The following UGT1A8 variants were observed in gnomAD, a reference collection of about 807,000 sequenced individuals.
UGT1A8 encodes UDP glucuronosyltransferase family 1 member A8.
Under a neutral mutation model 45.3 loss-of-function variants are expected in UGT1A8, and 39 were observed. That is an observed-to-expected ratio of 0.86 (90% CI 0.67 to 1.12). The LOEUF (loss-of-function observed/expected upper bound fraction) is 1.12, where lower values mean the gene tolerates loss of function less well. Ranked by LOEUF, UGT1A8 falls within the 50% of genes most tolerant of loss-of-function variation. The probability of loss-of-function intolerance (pLI) is 0.00; values close to 1 mark genes in which losing one functional copy is unlikely to be tolerated. For missense variants in UGT1A8, 719 were observed against 664.9 expected (o/e 1.08, Z -0.90); for synonymous variants, 275 against 249.2 (o/e 1.10, Z -0.97).
chr2:233,667,051 G>T (rs1291060604), intron 1 of UGT1A8, among the ~76,000 whole-genome samples: 2 of 152,076 alleles, frequency 1.3e-5, no homozygotes, highest in Non-Finnish European at 2.9e-5. Flanking sequence ...GTCTATCATT[G>T]TTGGACATTT....
intron 1 of UGT1A8, chr2:233,754,915 G>A (rs747609109): frequency 3.0e-6 from 4 of 1,353,928 alleles, no homozygotes; most frequent in Admixed American, 1.9e-5. Context: ...ATATTCTCCA[G>A]CGGGTTTCCC....
chr2:233,698,206 T>C (rs1373729225), intron 1 of UGT1A8, among the ~76,000 whole-genome samples: 1 of 152,228 alleles, frequency 6.6e-6, no homozygotes. Context: ...ACATGCACTT[T>C]TAATTATTAG....
chr2:233,649,047 C>T, intron 1 of UGT1A8: 1 of 1,054,292 alleles, frequency 9.5e-7, no homozygotes, highest in South Asian at 2.5e-5. Flanking sequence ...GCTCCTTTAG[C>T]ACATTAAAAG....
chr2:233,700,061 G>T (rs2075540552), intron 1 of UGT1A8, among the ~76,000 whole-genome samples: 1 of 152,200 alleles, frequency 6.6e-6, no homozygotes, highest in South Asian at 2.1e-4. Context: ...TGAATCCAGT[G>T]GTGTCTACCC....
chr2:233,712,992 A>T (rs1437373370), intron 1 of UGT1A8: 1 of 1,613,364 alleles, frequency 6.2e-7, no homozygotes, highest in South Asian at 1.1e-5. Flanking sequence ...TTCTGCTGAG[A>T]TGGCCACAGG....
Position 233,659,680 on chromosome 2 carries a change from A to T in UGT1A8, c.855+41118A>T, listed in dbSNP as rs74401574. On this transcript the variant is annotated intron_variant, in intron 1 of 4. Coordinates refer to ENST00000373450, the MANE Select transcript of UGT1A8 (RefSeq NM_019076.5). ...GCACTCGATTTAACTTAATGGAAAT[A>T]CATCATAATTACTGTCTGACATTTT... 3.2e-4 allele frequency among the ~76,000 whole-genome samples: 49 copies of T among 152,292 alleles called. 1 individual carries two copies. In the East Asian group the frequency reaches 7.9e-3, roughly 25 times the overall value.
intron 1 of UGT1A8, among the ~76,000 whole-genome samples, chr2:233,640,873 T>C (rs1359098144): frequency 6.6e-6 from 1 of 152,060 alleles, no homozygotes; most frequent in African/African-American, 2.4e-5. Context: ...GGAGCCCTAA[T>C]TAGGGAAAAA....
At chr2:233,646,510 T>A (rs1365334162) in intron 1 of UGT1A8, among the ~76,000 whole-genome samples, 2 of 152,078 alleles carry the variant, frequency 1.3e-5, no homozygotes, top group Admixed American at 6.6e-5. Flanking sequence ...CCAAATCACC[T>A]CTTGAATGCT....
intron 1 of UGT1A8, among the ~76,000 whole-genome samples, chr2:233,712,428 T>C (rs923702716): frequency 1.3e-5 from 2 of 152,332 alleles, no homozygotes; most frequent in African/African-American, 4.8e-5. Flanking sequence ...AGAAATATCC[T>C]GGTGTGAAAA....
chr2:233,768,255 G>C lies in UGT1A8; in HGVS notation c.1111G>C (p.Gly371Arg). ...PMTRAFITHA[G>R]SHGVYESICN... is the part of the protein sequence containing the mutation. ...GACCCGTGCCTTTATCACCCATGCT[G>C]GTTCCCATGGTGTTTATGAAAGCAT... Residue 371 changes from glycine to arginine, a missense_variant, in exon 4 of 5, where the codon GGT (glycine) becomes CGT (arginine). By Grantham distance (125) the Gly-to-Arg change is moderately radical. Transcript: ENST00000373450. 1 of 1,614,166 alleles carries C rather than the reference G, an allele frequency of 6.2e-7. No individual in the cohort carries two copies. The highest frequency in any genetic ancestry group is 8.5e-7 in the Non-Finnish European group (1 of 1,180,040).
chr2:233,658,709 T>C (rs2073905065), intron 1 of UGT1A8, among the ~76,000 whole-genome samples: 1 of 152,254 alleles, frequency 6.6e-6, no homozygotes, highest in Non-Finnish European at 1.5e-5. Flanking sequence ...TGACTATGGA[T>C]AGCCAACTCT....
At chr2:233,738,133 A>G (rs1397029261) in intron 1 of UGT1A8, among the ~76,000 whole-genome samples, 2 of 152,126 alleles carry the variant, frequency 1.3e-5, no homozygotes, top group African/African-American at 2.4e-5. Flanking sequence ...AGGGGCCCTT[A>G]TCCCTTCACT....
chr2:233,723,176 A>G (rs1210929183), intron 1 of UGT1A8, among the ~76,000 whole-genome samples: 2 of 134,084 alleles, frequency 1.5e-5, no homozygotes, highest in African/African-American at 5.9e-5. Context: ...TGCCCAAACC[A>G]TAGAAGGGTC....
intron 1 of UGT1A8, chr2:233,729,354 C>T: frequency 1.9e-6 from 3 of 1,614,190 alleles, no homozygotes; most frequent in African/African-American, 1.3e-5. Context: ...ACTTTTTCAC[C>T]CTGACAACCT....
At chr2:233,705,763 A>G (rs1046936782) in intron 1 of UGT1A8, among the ~76,000 whole-genome samples, 2 of 152,212 alleles carry the variant, frequency 1.3e-5, no homozygotes, top group African/African-American at 4.8e-5. Context: ...TCAGCTGCAT[A>G]CTTTGAGTGT....
At chr2:233,629,965 G>A (rs527492177) in intron 1 of UGT1A8, among the ~76,000 whole-genome samples, 1 of 151,772 alleles carries the variant, frequency 6.6e-6, no homozygotes, top group East Asian at 1.9e-4. Context: ...AGAATCTATG[G>A]TGATACCACC....
At chr2:233,682,683 C>T in intron 1 of UGT1A8, 2 of 1,613,862 alleles carry the variant, frequency 1.2e-6, no homozygotes, top group South Asian at 2.2e-5. Flanking sequence ...AGCCACACAT[C>T]AATTTGGTTG....
intron 1 of UGT1A8, among the ~76,000 whole-genome samples, chr2:233,702,329 CTTGT>C (rs763433492): frequency 2.7e-4 from 41 of 152,036 alleles, no homozygotes; most frequent in Non-Finnish European, 5.0e-4. Flanking sequence ...CATTTCTGAA[CTTGT>C]TTATTTGTTC....
intron 1 of UGT1A8, chr2:233,743,409 A>C: frequency 7.6e-7 from 1 of 1,312,950 alleles, no homozygotes; most frequent in South Asian, 1.2e-5. Flanking sequence ...AAAGGCCCCC[A>C]CTTCCCAGGG....
Sources: allele counts gnomAD v4.1 joint callset (sites outside exome capture counted in the v4.1 genomes callset), GRCh38; gene constraint gnomAD v4.1.1; transcripts MANE v1.5; gene names NCBI Gene and HGNC (gene_info 2026-07-23, HGNC 2026-07-21).